GPC6: variants seen among roughly 807,000 people sequenced by gnomAD.
The protein encoded by GPC6 is glypican-6.
A neutral mutation model predicts 55.2 loss-of-function variants in GPC6; 14 were observed. The observed-to-expected ratio is 0.25, with a 90% CI of 0.17 to 0.40. The LOEUF is 0.40. Among genes scored for constraint, GPC6 ranks in the 10% least tolerant of loss-of-function variants. The probability of loss-of-function intolerance (pLI) is 1.00; values close to 1 mark genes in which losing one functional copy is unlikely to be tolerated. For missense variants in GPC6, 641 were observed against 708.5 expected (o/e 0.90, Z 1.08); for synonymous variants, 278 against 259.6 (o/e 1.07, Z -0.68).
intron 2 of GPC6, among the ~76,000 whole-genome samples, chr13:93,771,520 C>T (rs1407047293): frequency 6.6e-6 from 1 of 151,942 alleles, no homozygotes; most frequent in Non-Finnish European, 1.5e-5. Flanking sequence ...TTGAGGAGTC[C>T]CAGGATTACA....
intron 3 of GPC6, among the ~76,000 whole-genome samples, chr13:93,979,323 GTGTGTT>G (rs1566631996): frequency 8.6e-5 from 12 of 138,888 alleles, no homozygotes; most frequent in African/African-American, 3.5e-4. Flanking sequence ...GTGTGTTTGT[GTGTGTT>G]TTTTTGTGTG....
chr13:93,834,222 G>C (rs1887647921), intron 3 of GPC6, among the ~76,000 whole-genome samples: 1 of 152,124 alleles, frequency 6.6e-6, no homozygotes, highest in Non-Finnish European at 1.5e-5. Context: ...ATAGAAAGTA[G>C]AAACGTCACA....
chr13:94,308,579 A>G (rs554702795), intron 6 of GPC6, among the ~76,000 whole-genome samples: 3 of 152,342 alleles, frequency 2.0e-5, no homozygotes, highest in African/African-American at 7.2e-5. Flanking sequence ...CAATAAGCCA[A>G]TTTTATTCTA....
At chr13:93,949,288 T>A (rs1276589800) in intron 3 of GPC6, among the ~76,000 whole-genome samples, 1 of 152,244 alleles carries the variant, frequency 6.6e-6, no homozygotes, top group East Asian at 1.9e-4. Context: ...ACTATCCACT[T>A]ATGTTCTGCT....
chr13:93,539,381 G>C (rs7327116), intron 1 of GPC6, among the ~76,000 whole-genome samples: 43,535 of 151,952 alleles, frequency 0.29, 6,419 homozygotes, highest in African/African-American at 0.34. Context: ...TACCCTTGTA[G>C]TTGAACAGGT....
chr13:94,218,406 G>GGT (rs923919079), intron 4 of GPC6, among the ~76,000 whole-genome samples: 7 of 152,160 alleles, frequency 4.6e-5, no homozygotes, highest in African/African-American at 1.7e-4. Flanking sequence ...TCTTTCATGA[G>GGT]GTGGAAGAGG....
chr13:93,472,966 GGA>G (rs1001421840), intron 1 of GPC6, among the ~76,000 whole-genome samples: 1 of 152,188 alleles, frequency 6.6e-6, no homozygotes, highest in Non-Finnish European at 1.5e-5. Context: ...CTTACTCAAA[GGA>G]GAGAGGGTAG....
At chr13:94,246,238 C>G (rs1296091069) in intron 4 of GPC6, among the ~76,000 whole-genome samples, 1 of 152,010 alleles carries the variant, frequency 6.6e-6, no homozygotes, top group Non-Finnish European at 1.5e-5. Flanking sequence ...ATTGTATTGG[C>G]TCTTTATAAA....
chr13:93,311,273 A>C (rs1041132005), intron 1 of GPC6, among the ~76,000 whole-genome samples: 1 of 152,192 alleles, frequency 6.6e-6, no homozygotes, highest in Non-Finnish European at 1.5e-5. Context: ...CTTAACATGC[A>C]TTCATTTTAC....
rs545009316 is a variant in GPC6 at position 94,281,657 on chromosome 13, A to AT, written c.878-4687dup. ...CCTTACTGAAAACAGCAGTAAGATC[A>AT]TTTTTAATCCAATGCCATCCAGACA... On this transcript the variant is annotated intron_variant, in intron 4 of 8. Coordinates refer to ENST00000377047, the MANE Select transcript of GPC6 (RefSeq NM_005708.5). 2.1e-3 allele frequency among the ~76,000 whole-genome samples: 319 copies of AT among 152,304 alleles called. 2 individuals carry two copies. Among genetic ancestry groups the AT allele is most frequent in the Admixed American group, 4.5e-3 (69 of 15,300 alleles).
At chr13:93,254,705 T>C (rs978812780) in intron 1 of GPC6, among the ~76,000 whole-genome samples, 3 of 151,792 alleles carry the variant, frequency 2.0e-5, no homozygotes, top group African/African-American at 7.2e-5. Context: ...TCTGGAATTA[T>C]ATAAAAAAAA....
intron 4 of GPC6, among the ~76,000 whole-genome samples, chr13:94,234,428 T>C (rs1282861925): frequency 6.6e-6 from 1 of 151,866 alleles, no homozygotes; most frequent in Non-Finnish European, 1.5e-5. Context: ...CTTTTCTACA[T>C]GTAATACTGA....
At chr13:94,194,652 G>C (rs1222897979) in intron 4 of GPC6, among the ~76,000 whole-genome samples, 1 of 152,132 alleles carries the variant, frequency 6.6e-6, no homozygotes, top group Non-Finnish European at 1.5e-5. Context: ...TGTATTTATT[G>C]TATACTGCTG....
intron 3 of GPC6, among the ~76,000 whole-genome samples, chr13:93,851,053 T>G (rs1888375292): frequency 1.3e-5 from 2 of 151,970 alleles, no homozygotes; most frequent in Admixed American, 6.6e-5. Context: ...CTTCTGATTG[T>G]CATCCTTGTA....
At chr13:93,890,436 G>T (rs561186546) in intron 3 of GPC6, among the ~76,000 whole-genome samples, 1 of 152,134 alleles carries the variant, frequency 6.6e-6, no homozygotes, top group Non-Finnish European at 1.5e-5. Flanking sequence ...AGTATTTGTC[G>T]ATGGATGGGT....
At chr13:93,923,701 A>G (rs1429940766) in intron 3 of GPC6, among the ~76,000 whole-genome samples, 1 of 152,220 alleles carries the variant, frequency 6.6e-6, no homozygotes, top group Non-Finnish European at 1.5e-5. Flanking sequence ...TTCAGATAGA[A>G]GATTGGTTTA....
At chr13:94,220,967 A>G (rs1001292221) in intron 4 of GPC6, among the ~76,000 whole-genome samples, 1 of 152,062 alleles carries the variant, frequency 6.6e-6, no homozygotes, top group Non-Finnish European at 1.5e-5. Flanking sequence ...TCAAGCCATA[A>G]CAGACTCTTA....
At chr13:93,775,745 T>A (rs1197217351) in intron 2 of GPC6, among the ~76,000 whole-genome samples, 1 of 152,140 alleles carries the variant, frequency 6.6e-6, no homozygotes, top group Non-Finnish European at 1.5e-5. Flanking sequence ...GTTGGACTAG[T>A]CTTACTTTGC....
intron 2 of GPC6, among the ~76,000 whole-genome samples, chr13:93,552,376 G>A (rs963054610): frequency 6.6e-6 from 1 of 152,036 alleles, no homozygotes. Context: ...CCTGGTAGGG[G>A]GTCCTTTAAA....
Sources: gnomAD v4.1 joint callset for allele counts (sites outside exome capture counted in the v4.1 genomes callset) on GRCh38, gnomAD v4.1.1 for gene constraint, MANE v1.5 for transcripts, NCBI Gene and HGNC (gene_info 2026-07-23, HGNC 2026-07-21) for gene names.